Variants in PRKCZ observed in about 807,000 individuals in gnomAD.
PRKCZ encodes the protein protein kinase C zeta type.
PRKCZ carries 33 observed loss-of-function variants against 79.5 expected under a neutral mutation model. That is an observed-to-expected ratio of 0.41 (90% CI 0.31 to 0.55). The LOEUF is 0.55. PRKCZ is among the 20% of genes least tolerant of loss of function. PRKCZ has a pLI of 0.19. For synonymous variants in PRKCZ, 342 were observed against 320.9 expected (o/e 1.07, Z -0.70); for missense variants, 578 against 813.5 (o/e 0.71, Z 3.52).
At chr1:2,080,645 G>A (rs571958284) in intron 4 of PRKCZ, among the ~76,000 whole-genome samples, 1 of 152,170 alleles carries the variant, frequency 6.6e-6, no homozygotes, top group Admixed American at 6.5e-5. Context: ...CCTGGTCAGC[G>A]TAATGCGTGA....
chr1:2,078,924 C>G (rs1052453345), intron 4 of PRKCZ, among the ~76,000 whole-genome samples: 1 of 150,448 alleles, frequency 6.6e-6, no homozygotes, highest in Admixed American at 6.6e-5. Flanking sequence ...CTCACTGCAA[C>G]CTCCACCTCC....
At chr1:2,086,626 G>T (rs1325501364) in intron 4 of PRKCZ, among the ~76,000 whole-genome samples, 6 of 152,244 alleles carry the variant, frequency 3.9e-5, no homozygotes, top group African/African-American at 1.4e-4. Context: ...CTTCGGAGGA[G>T]GGTGGACTTC....
chr1:2,069,588 G>T (rs1661400971), intron 4 of PRKCZ, among the ~76,000 whole-genome samples: 1 of 152,192 alleles, frequency 6.6e-6, no homozygotes, highest in Admixed American at 6.5e-5. Flanking sequence ...GTAGGTGGAC[G>T]TGGCAGGGAG....
intron 10 of PRKCZ, among the ~76,000 whole-genome samples, chr1:2,158,138 C>T (rs1337753541): frequency 6.6e-6 from 1 of 152,210 alleles, no homozygotes; most frequent in Non-Finnish European, 1.5e-5. Context: ...CGTGCGGTGC[C>T]GTCCTGGTCA....
At chr1:2,052,739 C>T (rs764698879) in intron 1 of PRKCZ, among the ~76,000 whole-genome samples, 44 of 152,286 alleles carry the variant, frequency 2.9e-4, no homozygotes, top group Middle Eastern at 3.4e-3. Flanking sequence ...TTCCAGAAAG[C>T]GGCTGCCAGG....
At chr1:2,070,578 G>A (rs1255824109) in intron 4 of PRKCZ, among the ~76,000 whole-genome samples, 4 of 152,202 alleles carry the variant, frequency 2.6e-5, no homozygotes, top group Non-Finnish European at 5.9e-5. Flanking sequence ...TGCAAGGGTG[G>A]CAAAGTCGCC....
intron 4 of PRKCZ, among the ~76,000 whole-genome samples, chr1:2,080,255 C>T (rs1009292790): frequency 7.3e-6 from 1 of 137,608 alleles, no homozygotes; most frequent in African/African-American, 3.6e-5. Flanking sequence ...TGGAAACCAT[C>T]GTGATGACGC....
At chr1:2,080,543 G>C (rs1194621872) in intron 4 of PRKCZ, among the ~76,000 whole-genome samples, 1 of 152,176 alleles carries the variant, frequency 6.6e-6, no homozygotes, top group Non-Finnish European at 1.5e-5. Flanking sequence ...CTCGTTCAGT[G>C]GGGTGGTGGG....
At chr1:2,069,255 C>T (rs1218231705) in intron 4 of PRKCZ, among the ~76,000 whole-genome samples, 4 of 152,318 alleles carry the variant, frequency 2.6e-5, no homozygotes, top group Non-Finnish European at 5.9e-5. Context: ...CCAGCCCCAG[C>T]TGCAGGCCCC....
chr1:2,051,663 C>G (rs1033644124), intron 1 of PRKCZ, among the ~76,000 whole-genome samples: 18 of 152,224 alleles, frequency 1.2e-4, no homozygotes, highest in African/African-American at 4.3e-4. Flanking sequence ...GAGGCAGGGA[C>G]GGCCGGCAGG....
intron 4 of PRKCZ, among the ~76,000 whole-genome samples, chr1:2,095,867 C>A (rs1235163023): frequency 9.8e-6 from 1 of 102,208 alleles, no homozygotes; most frequent in Non-Finnish European, 2.0e-5. Context: ...CCCCTCCCTT[C>A]TTTTCCTTTC....
In PRKCZ at chr1:2,172,489, C is replaced by A; in HGVS notation, c.1285+101C>A. 1 of 1,260,754 alleles carries A rather than the reference C, an allele frequency of 7.9e-7. No individual in the cohort carries two copies. Among genetic ancestry groups the A allele is most frequent in the Non-Finnish European group, 1.1e-6 (1 of 923,164 alleles). 78.1% of individuals were successfully genotyped at this position (1,260,754 alleles called of 1,614,324 possible). A position where few individuals can be genotyped will look rare whatever the true frequency, so the allele number is the denominator to read the frequency against. ...GAGAGGTGTCCTTGACCATCTTACACCCAAAAGCCACACACTGTCTTTCCC... is the reference window on the plus strand; with the variant it reads ...GAGAGGTGTCCTTGACCATCTTACAACCAAAAGCCACACACTGTCTTTCCC... On this transcript the variant is annotated intron_variant, in intron 13 of 17. Coordinates refer to ENST00000378567, the MANE Select transcript of PRKCZ (RefSeq NM_002744.6). This position sits in a 1 kb window ranked among gnomAD's most constrained non-coding sequence, Gnocchi z 7.8.
At chr1:2,169,449 G>A (rs1315157477) in intron 10 of PRKCZ, 69 bp from the exon 11 acceptor site, 1 of 1,392,326 alleles carries the variant, frequency 7.2e-7, no homozygotes, top group Non-Finnish European at 9.9e-7. Flanking sequence ...CCGCTTCTGT[G>A]GGGCTTCTGT....
chr1:2,136,692 T>C (rs546914309), intron 5 of PRKCZ, among the ~76,000 whole-genome samples: 4 of 152,082 alleles, frequency 2.6e-5, no homozygotes, highest in African/African-American at 9.6e-5. Context: ...GGTGGCCACA[T>C]TGGGAATATC....
chr1:2,051,740 G>A (rs1659682417), intron 1 of PRKCZ, among the ~76,000 whole-genome samples: 1 of 152,144 alleles, frequency 6.6e-6, no homozygotes, highest in Non-Finnish European at 1.5e-5. Flanking sequence ...TCTCTATGGT[G>A]CCCTGCGAGT....
Position 2,168,022 on chromosome 1 carries a change from T to G in PRKCZ, c.975-1496T>G, listed in dbSNP as rs983436403. Among the ~76,000 whole-genome samples, 1 of 152,184 alleles carries G rather than the reference T, an allele frequency of 6.6e-6. No homozygotes were observed. The highest frequency in any genetic ancestry group is 1.5e-5 in the Non-Finnish European group (1 of 68,016). Reference sequence around the variant, plus strand: ...GAGCTTCGTTCCGTGGGGTTGACGTTACTGAACGAGTCCCTCCACGGGTGC... The same window carrying G: ...GAGCTTCGTTCCGTGGGGTTGACGTGACTGAACGAGTCCCTCCACGGGTGC... On this transcript the variant is annotated intron_variant, in intron 10 of 17. Coordinates refer to ENST00000378567, the MANE Select transcript of PRKCZ (RefSeq NM_002744.6). This position sits in a 1 kb window ranked among gnomAD's most constrained non-coding sequence, Gnocchi z 4.7.
chr1:2,143,975 A>G lies in PRKCZ; in HGVS notation c.421-235A>G, dbSNP rs113790464. On this transcript the variant is annotated intron_variant, in intron 5 of 17. Transcript: ENST00000378567. ...ACCTCCCCTGTGTCCCCTCATGCAG[A>G]GCAGGGTTCCAGGCCTCTCCTTGGG... The G allele has an allele frequency of 4.1e-4, 211 of 514,058 alleles. 2 individuals carry two copies. Among genetic ancestry groups the G allele is most frequent in the African/African-American group, 3.7e-3 (191 of 51,906 alleles). The allele number at this position is 514,058 out of a possible 1,614,324, so 31.8% of individuals were successfully genotyped here. A position where few individuals can be genotyped will look rare whatever the true frequency, so the allele number is the denominator to read the frequency against.
At chr1:2,089,977 G>A (rs553582743) in intron 4 of PRKCZ, among the ~76,000 whole-genome samples, 77 of 152,270 alleles carry the variant, frequency 5.1e-4, no homozygotes, top group African/African-American at 1.8e-3. Flanking sequence ...GCTGGTTCCC[G>A]GAGGCCGTGA....
At chr1:2,107,859 G>A (rs1408452577) in intron 4 of PRKCZ, among the ~76,000 whole-genome samples, 1 of 150,696 alleles carries the variant, frequency 6.6e-6, no homozygotes, top group Non-Finnish European at 1.5e-5. Context: ...GGGCAGTGTC[G>A]AGGGAGCCCC....
Sources: allele counts gnomAD v4.1 joint callset (sites outside exome capture counted in the v4.1 genomes callset), GRCh38; gene constraint gnomAD v4.1.1; non-coding constraint Gnocchi (gnomAD v3.1); transcripts MANE v1.5; gene names NCBI Gene and HGNC (gene_info 2026-07-23, HGNC 2026-07-21).